Variants in TOPAZ1 observed in about 807,000 individuals in gnomAD.
TOPAZ1 encodes protein TOPAZ1.
Under a neutral mutation model 172.2 loss-of-function variants are expected in TOPAZ1, and 66 were observed. That is an observed-to-expected ratio of 0.38 (90% confidence interval 0.31 to 0.47). TOPAZ1 has a LOEUF of 0.47. TOPAZ1 is among the 20% of genes least tolerant of loss of function. The pLI, the probability that TOPAZ1 is intolerant of heterozygous loss-of-function variation, is 0.99. For missense variants in TOPAZ1, 1,822 were observed against 1,972.4 expected (o/e 0.92, Z 1.44); for synonymous variants, 681 against 683.9 (o/e 1.00, Z 0.07).
downstream of TOPAZ1, among the ~76,000 whole-genome samples, chr3:44,332,359 AG>A (rs1469621097): frequency 2.0e-5 from 3 of 152,308 alleles, no homozygotes; most frequent in African/African-American, 7.2e-5. Flanking sequence ...GAAAACATTT[AG>A]GGGTATGAAA....
intron 5 of TOPAZ1, among the ~76,000 whole-genome samples, chr3:44,264,367 G>T (rs541516852): frequency 6.6e-6 from 1 of 152,298 alleles, no homozygotes; most frequent in East Asian, 1.9e-4. Context: ...GCGTATAAAA[G>T]TTATGCTTAC....
chr3:44,254,788 C>A (rs977244759), intron 2 of TOPAZ1, among the ~76,000 whole-genome samples, 180 bp from the exon 3 acceptor site: 6 of 152,024 alleles, frequency 3.9e-5, no homozygotes, highest in Admixed American at 2.6e-4. Flanking sequence ...ATTAAAGAAC[C>A]AAACAAAAAA....
At chr3:44,323,863 C>T (rs1245436539) in intron 18 of TOPAZ1, among the ~76,000 whole-genome samples, 1 of 152,148 alleles carries the variant, frequency 6.6e-6, no homozygotes, top group African/African-American at 2.4e-5. Flanking sequence ...CAAGCCACCT[C>T]GCAGGTATTT....
chr3:44,331,938 A>G lies in TOPAZ1; in HGVS notation c.5006A>G (p.His1669Arg). The change falls in exon 20 of 20, where the codon CAT (histidine) becomes CGT (arginine). Residue 1669 changes from histidine (H) to arginine (R), a missense_variant. Physicochemically the swap from His to Arg is conservative, Grantham distance 29. Around this residue, in one of 2 missense-constraint regions of TOPAZ1, gnomAD observed 333 missense variants for 481.7 expected, o/e 0.69. Coordinates refer to ENST00000309765, the MANE Select transcript of TOPAZ1 (RefSeq NM_001145030.2). ...AAGGAACAGGTTTATAGTTTGGAAC[A>G]TTGTTCTGCCCTGAAATGGTTAAAA... ...VNKEQVYSLE[H>R]CSALKWLKEN... 2 of 1,551,490 alleles carry G rather than the reference A, an allele frequency of 1.3e-6. No individual in the cohort carries two copies. Among genetic ancestry groups the G allele is most frequent in the Admixed American group, 2.0e-5 (1 of 50,982 alleles).
intron 5 of TOPAZ1, 86 bp from the exon 6 acceptor site, chr3:44,266,911 A>T: frequency 9.6e-7 from 1 of 1,038,220 alleles, no homozygotes; most frequent in Non-Finnish European, 1.3e-6. Flanking sequence ...AATTTTTTTA[A>T]AAAGAAATAT....
chr3:44,266,622 A>C (rs1699832662), intron 5 of TOPAZ1, among the ~76,000 whole-genome samples: 1 of 152,198 alleles, frequency 6.6e-6, no homozygotes, highest in Non-Finnish European at 1.5e-5. Flanking sequence ...TTGGTGGAGC[A>C]GTCAGAACAC....
At position 44,243,586 on chromosome 3, in the gene TOPAZ1, G is replaced by C. The variant is rs1699516652; in HGVS notation, c.1080G>C (p.Leu360Phe). Residue 360 changes from leucine to phenylalanine, a missense_variant, in exon 2 of 20, where the codon TTG (leucine) becomes TTC (phenylalanine). Coordinates refer to ENST00000309765, the MANE Select transcript of TOPAZ1 (RefSeq NM_001145030.2). ...SNEYNKSELMLQENQMIADGK... is the reference protein window; with the variant it reads ...SNEYNKSELMFQENQMIADGK... ...AGTATAACAAGTCTGAGTTGATGTT[G>C]CAAGAAAATCAAATGATTGCTGATG... 6.4e-7 allele frequency: 1 copy of C among 1,550,704 alleles called. No individual in the cohort carries two copies. Among genetic ancestry groups the C allele is most frequent in the Admixed American group, 2.0e-5 (1 of 50,980 alleles).
intron 13 of TOPAZ1, 25 bp from the exon 14 acceptor site, chr3:44,305,122 G>T (rs1419628522): frequency 9.0e-6 from 13 of 1,442,810 alleles, no homozygotes; most frequent in Middle Eastern, 1.8e-4. Flanking sequence ...TTTCTTTTTT[G>T]TTTTGTTTTT....
chr3:44,281,019 C>T (rs886072195), intron 8 of TOPAZ1, among the ~76,000 whole-genome samples: 11 of 152,188 alleles, frequency 7.2e-5, no homozygotes, highest in Admixed American at 5.9e-4. Flanking sequence ...CTACATTAGT[C>T]TCAGGACCCA....
At position 44,287,405 on chromosome 3, in the gene TOPAZ1, G is replaced by A. The variant is rs1700091878; in HGVS notation, c.3453G>A (p.Glu1151=). The change falls in exon 10 of 20, where the codon GAG becomes GAA. Residue 1151 remains glutamate, a synonymous_variant. Transcript: ENST00000309765. ...LLQRAVNIFM[E]YYRKFPPGVY... ...CATTTTCAGTAAACATATTTATGGAGTACTACAGAAAGTTTCCCCCAGGTG... is the reference window on the plus strand; with the variant it reads ...CATTTTCAGTAAACATATTTATGGAATACTACAGAAAGTTTCCCCCAGGTG... 1 of 1,492,420 alleles carries A rather than the reference G, an allele frequency of 6.7e-7. No homozygotes were observed. The highest frequency in any genetic ancestry group is 1.4e-5 in the South Asian group (1 of 71,778). The allele number at this position is 1,492,420 out of a possible 1,614,324, so 92.4% of individuals were successfully genotyped here.
At chr3:44,259,792 G>C (rs1262575361) in intron 4 of TOPAZ1, among the ~76,000 whole-genome samples, 1 of 152,040 alleles carries the variant, frequency 6.6e-6, no homozygotes, top group Non-Finnish European at 1.5e-5. Flanking sequence ...CTTTATTTTA[G>C]TTTTAATATG....
rs1020506084 is a variant in TOPAZ1, at chr3:44,270,744, T to C, written c.3306T>C (p.Asn1102=). Residue 1102 remains asparagine (N), a synonymous_variant, in exon 8 of 20, where the codon AAT becomes AAC. Transcript: ENST00000309765. ...IPYKYCKFHF[N]TLRGCERPLC... ...ATAAATATTGCAAATTTCATTTTAA[T>C]ACATTACGTGGCTGTGAGCGACCAC... 6.4e-7 allele frequency: 1 copy of C among 1,550,908 alleles called. No individual in the cohort carries two copies. The highest frequency in any genetic ancestry group is 8.7e-7 in the Non-Finnish European group (1 of 1,146,492).
intron 5 of TOPAZ1, among the ~76,000 whole-genome samples, chr3:44,266,653 G>C (rs1442831148): frequency 6.6e-6 from 1 of 152,164 alleles, no homozygotes; most frequent in Non-Finnish European, 1.5e-5. Context: ...CATTGATTAA[G>C]TGTACCCTCT....
At chr3:44,250,897 A>G (rs955806351) in intron 2 of TOPAZ1, among the ~76,000 whole-genome samples, 1 of 152,140 alleles carries the variant, frequency 6.6e-6, no homozygotes, top group African/African-American at 2.4e-5. Flanking sequence ...ATATCAGGAG[A>G]CCTAACAGTA....
intron 8 of TOPAZ1, 44 bp downstream of exon 8, chr3:44,270,854 T>C (rs1699888362): frequency 4.1e-6 from 6 of 1,480,238 alleles, no homozygotes; most frequent in Non-Finnish European, 5.4e-6. Context: ...TTTTAATAAC[T>C]ATCTCAGTCA....
rs2125675401 is a variant in TOPAZ1, at chr3:44,244,156, T to G, written c.1650T>G (p.Ser550Arg). Residue 550 changes from serine to arginine, a missense_variant, in exon 2 of 20, where the codon AGT becomes AGG. This residue lies in a region of TOPAZ1 where 1,489 missense variants were observed against 1,490.8 expected (regional missense o/e 1.00). Transcript: ENST00000309765. ...HLTDSKLLLQ[S>R]SLTETNTESS... ...CTGACTCCAAATTATTATTACAAAG[T>G]TCCTTAACAGAAACAAACACTGAAT... is the stretch of plus-strand genomic sequence containing the variant. The G allele has an allele frequency of 6.4e-7, 1 of 1,551,438 alleles. No individual in the cohort carries two copies. Among genetic ancestry groups the G allele is most frequent in the East Asian group, 2.4e-5 (1 of 40,912 alleles).
chr3:44,332,557 C>G (rs1183288132), downstream of TOPAZ1, among the ~76,000 whole-genome samples: 5 of 151,970 alleles, frequency 3.3e-5, no homozygotes, highest in East Asian at 9.6e-4. Context: ...TTTTGAAAAT[C>G]TATGTGCATT....
chr3:44,264,436 C>T (rs946565286), intron 5 of TOPAZ1, among the ~76,000 whole-genome samples: 2 of 152,146 alleles, frequency 1.3e-5, no homozygotes, highest in Non-Finnish European at 2.9e-5. Flanking sequence ...ATGTACACAC[C>T]TTCATTTAAA....
chr3:44,262,342 A>C (rs984905603), intron 4 of TOPAZ1, 77 bp from the exon 5 acceptor site: 9 of 636,068 alleles, frequency 1.4e-5, no homozygotes, highest in Non-Finnish European at 2.3e-5. Context: ...CATTATAATA[A>C]ATCCAGTAAG....
Sources: gnomAD v4.1 joint callset for allele counts (sites outside exome capture counted in the v4.1 genomes callset) on GRCh38, gnomAD v4.1.1 for gene constraint, gnomAD v4.1.1 regional missense constraint, MANE v1.5 for transcripts, NCBI Gene and HGNC (gene_info 2026-07-23, HGNC 2026-07-21) for gene names.